SPACA7: variants seen among roughly 807,000 people sequenced by gnomAD.
SPACA7 encodes sperm acrosome associated 7.
In SPACA7, 19 loss-of-function variants were observed where a neutral mutation model predicts 26.3. The ratio of observed to expected loss-of-function variants is 0.72; its 90% CI spans 0.50 to 1.06. The LOEUF is 1.06. SPACA7 is among the 50% of genes least tolerant of loss of function. The probability of loss-of-function intolerance (pLI) is 0.00; values close to 1 mark genes in which losing one functional copy is unlikely to be tolerated. For synonymous variants in SPACA7, 84 were observed against 84.5 expected (o/e 0.99, Z 0.04); for missense variants, 211 against 229.9 (o/e 0.92, Z 0.53).
intron 1 of SPACA7, among the ~76,000 whole-genome samples, chr13:112,379,253 C>A (rs1311510489): frequency 2.0e-5 from 3 of 152,120 alleles, no homozygotes; most frequent in Non-Finnish European, 4.4e-5. Context: ...ATCTTAGAGG[C>A]GTCAGAAACC....
At chr13:112,386,552 G>A (rs1023382405) in intron 1 of SPACA7, among the ~76,000 whole-genome samples, 1 of 151,802 alleles carries the variant, frequency 6.6e-6, no homozygotes, top group Non-Finnish European at 1.5e-5. Context: ...TTTTCCCAAG[G>A]AGTCCCCGGC....
intron 5 of SPACA7, among the ~76,000 whole-genome samples, chr13:112,431,065 A>G (rs117389160): frequency 0.033 from 4,981 of 152,290 alleles, 92 homozygotes; most frequent in Middle Eastern, 0.068. Flanking sequence ...GGTAGTGAGG[A>G]CCAACCACCG....
At chr13:112,386,368 T>TA (rs1184334519) in intron 1 of SPACA7, among the ~76,000 whole-genome samples, 1 of 152,238 alleles carries the variant, frequency 6.6e-6, no homozygotes, top group Non-Finnish European at 1.5e-5. Flanking sequence ...TAGTTTCTGA[T>TA]ACCCCCAAAA....
chr13:112,414,404 T>C (rs1341661552), intron 5 of SPACA7, among the ~76,000 whole-genome samples: 9 of 90,048 alleles, frequency 1.0e-4, no homozygotes, highest in Non-Finnish European at 1.3e-4. Context: ...TTTTTTTTTT[T>C]TTTTTTTTTT....
intron 5 of SPACA7, among the ~76,000 whole-genome samples, chr13:112,426,898 G>C (rs1288620205): frequency 6.6e-6 from 1 of 152,094 alleles, no homozygotes; most frequent in African/African-American, 2.4e-5. Flanking sequence ...TGTATCACTA[G>C]TTAGGATCTC....
At chr13:112,412,608 A>G (rs1886420369) in intron 5 of SPACA7, among the ~76,000 whole-genome samples, 1 of 151,678 alleles carries the variant, frequency 6.6e-6, no homozygotes, top group African/African-American at 2.4e-5. Flanking sequence ...TAAGTCTTTA[A>G]CCCATTTTGA....
intron 5 of SPACA7, among the ~76,000 whole-genome samples, chr13:112,426,719 T>C (rs574094564): frequency 1.3e-5 from 2 of 152,372 alleles, no homozygotes; most frequent in Non-Finnish European, 2.9e-5. Flanking sequence ...AGAAATATTA[T>C]TGCTTTTGTA....
intron 5 of SPACA7, among the ~76,000 whole-genome samples, chr13:112,430,166 C>CTGTGTGTG (rs1328761003): frequency 1.6e-4 from 21 of 134,502 alleles, no homozygotes; most frequent in Admixed American, 2.3e-4. Context: ...TCCCTTGCAT[C>CTGTGTGTG]TCTCTCTCTG....
chr13:112,376,856 A>G lies in SPACA7; in HGVS notation c.94+377A>G, dbSNP rs542804061. ...CTTGTTTGGGGAGTATTTTAGCACC[A>G]TCCCAGATGCCTTACCACCTCATGT... is the stretch of plus-strand genomic sequence containing the variant. On this transcript the variant is annotated intron_variant, in intron 1 of 6. Coordinates refer to ENST00000283550, the MANE Select transcript of SPACA7 (RefSeq NM_145248.5). 2.6e-4 allele frequency among the ~76,000 whole-genome samples: 40 copies of G among 152,302 alleles called. No homozygotes were observed. In the South Asian group the frequency reaches 8.3e-3, roughly 32 times the overall value.
intron 5 of SPACA7, among the ~76,000 whole-genome samples, chr13:112,423,729 A>C (rs556942153): frequency 1.1e-4 from 16 of 152,350 alleles, no homozygotes; most frequent in African/African-American, 3.6e-4. Context: ...CTAAAGGAAG[A>C]GAAATAGAAA....
chr13:112,377,672 A>C (rs1328744122), intron 1 of SPACA7, among the ~76,000 whole-genome samples: 1 of 152,218 alleles, frequency 6.6e-6, no homozygotes. Flanking sequence ...AGCTAGGGTC[A>C]AGGCCTAGTC....
At chr13:112,411,956 AC>A (rs1886381977) in intron 5 of SPACA7, among the ~76,000 whole-genome samples, 1 of 152,062 alleles carries the variant, frequency 6.6e-6, no homozygotes, top group Non-Finnish European at 1.5e-5. Flanking sequence ...TTAGACATAT[AC>A]CCATCACATC....
chr13:112,409,022 G>C (rs2138994225), intron 5 of SPACA7, among the ~76,000 whole-genome samples: 1 of 152,236 alleles, frequency 6.6e-6, no homozygotes, highest in Non-Finnish European at 1.5e-5. Flanking sequence ...CAAAGATATA[G>C]ACCAATGGAA....
chr13:112,411,859 G>A (rs908648781), intron 5 of SPACA7, among the ~76,000 whole-genome samples: 15 of 152,204 alleles, frequency 9.9e-5, no homozygotes, highest in African/African-American at 2.9e-4. Flanking sequence ...GGACACTTAC[G>A]TTGATACCAC....
At chr13:112,431,401 C>G (rs771699175) in intron 5 of SPACA7, among the ~76,000 whole-genome samples, 5 of 152,196 alleles carry the variant, frequency 3.3e-5, no homozygotes, top group Non-Finnish European at 7.3e-5. Flanking sequence ...TCCTGACATA[C>G]TGACTGTGCC....
intron 1 of SPACA7, among the ~76,000 whole-genome samples, chr13:112,385,431 T>C (rs570244325): frequency 1.3e-5 from 2 of 152,328 alleles, no homozygotes; most frequent in South Asian, 4.1e-4. Context: ...GTGAAAAACC[T>C]GGTAAGTAAG....
chr13:112,393,105 G>A, intron 2 of SPACA7, 28 bp downstream of exon 2: 1 of 1,593,980 alleles, frequency 6.3e-7, no homozygotes, highest in South Asian at 1.1e-5. Flanking sequence ...ATCAACCTCT[G>A]GCCTGTACGT....
Position 112,434,539 on chromosome 13 carries a change from G to A in SPACA7, c.578G>A (p.Gly193Asp), listed in dbSNP as rs1877549730. 2 of 1,608,068 alleles carry A rather than the reference G, an allele frequency of 1.2e-6. No homozygotes were observed. Among genetic ancestry groups the A allele is most frequent in the Non-Finnish European group, 1.7e-6 (2 of 1,177,810 alleles). Residue 193 changes from glycine (G) to aspartate (D), a missense_variant, in exon 7 of 7, where the codon GGC (glycine) becomes GAC (aspartate). Coordinates refer to ENST00000283550, the MANE Select transcript of SPACA7 (RefSeq NM_145248.5). Reference sequence around the variant, plus strand: ...ACCAGCGCACAGAGGAGGAGCCAAGGCAGTCAGTGAGGCCGCAGCCCCAGA... The same window carrying A: ...ACCAGCGCACAGAGGAGGAGCCAAGACAGTCAGTGAGGCCGCAGCCCCAGA... Reference protein sequence around the residue: ...QRTSAQRRSQGSQ With the variant: ...QRTSAQRRSQDSQ
intron 3 of SPACA7, among the ~76,000 whole-genome samples, chr13:112,398,489 GCT>G (rs1885430151): frequency 6.6e-6 from 1 of 152,048 alleles, no homozygotes; most frequent in African/African-American, 2.4e-5. Flanking sequence ...ACACGCCCAT[GCT>G]CTCACTTCAC....
Sources: allele counts gnomAD v4.1 joint callset (sites outside exome capture counted in the v4.1 genomes callset), GRCh38; gene constraint gnomAD v4.1.1; transcripts MANE v1.5; gene names NCBI Gene and HGNC (gene_info 2026-07-23, HGNC 2026-07-21).